Variants in FHIT observed in about 807,000 individuals in gnomAD.
The protein encoded by FHIT is bis(5'-adenosyl)-triphosphatase.
Under a neutral mutation model 17.9 loss-of-function variants are expected in FHIT, and 19 were observed. The ratio of observed to expected loss-of-function variants is 1.06; its 90% confidence interval spans 0.74 to 1.56. The LOEUF is 1.56. Among genes scored for constraint, FHIT ranks in the 40% most tolerant of loss-of-function variants. The pLI is 0.00. For synonymous variants in FHIT, 81 were observed against 69.7 expected, an observed-to-expected ratio of 1.16 and a Z score of -0.81; for missense variants, 248 against 189.2, an observed-to-expected ratio of 1.31 and a Z score of -1.82.
chr3:59,824,130 C>T (rs1173267936), intron 8 of FHIT, among the ~76,000 whole-genome samples: 2 of 152,194 alleles, frequency 1.3e-5, no homozygotes, highest in East Asian at 3.8e-4. Flanking sequence ...CAGAATATAC[C>T]TAACCAAGAG....
At chr3:60,699,958 A>C (rs1233729367) in intron 4 of FHIT, among the ~76,000 whole-genome samples, 2 of 151,898 alleles carry the variant, frequency 1.3e-5, no homozygotes, top group African/African-American at 2.4e-5. Context: ...CAGCCTGGCC[A>C]ACCTGGTGAA....
At chr3:60,082,017 T>C (rs1202712958) in intron 5 of FHIT, among the ~76,000 whole-genome samples, 1 of 152,140 alleles carries the variant, frequency 6.6e-6, no homozygotes, top group African/African-American at 2.4e-5. Flanking sequence ...TGTGGGTTTG[T>C]TCCATAGGTA....
intron 8 of FHIT, among the ~76,000 whole-genome samples, chr3:59,866,925 CT>C (rs1702679646): frequency 6.6e-6 from 1 of 151,858 alleles, no homozygotes; most frequent in Non-Finnish European, 1.5e-5. Context: ...TGCTCGGCTT[CT>C]TTTTGTGCTT....
intron 5 of FHIT, among the ~76,000 whole-genome samples, chr3:60,021,404 C>T (rs77644778): frequency 0.025 from 3,778 of 152,182 alleles, 147 homozygotes; most frequent in African/African-American, 0.083. Context: ...GTCCGCAGCC[C>T]GATAGCATTC....
At chr3:59,834,989 T>A (rs1701290030) in intron 8 of FHIT, among the ~76,000 whole-genome samples, 1 of 152,216 alleles carries the variant, frequency 6.6e-6, no homozygotes, top group Non-Finnish European at 1.5e-5. Context: ...TGTTGTTTTT[T>A]AAACTGAACT....
chr3:60,094,694 C>T (rs890478792), intron 5 of FHIT, among the ~76,000 whole-genome samples: 4 of 152,206 alleles, frequency 2.6e-5, no homozygotes, highest in Admixed American at 6.5e-5. Flanking sequence ...TGATTCCTAA[C>T]TTGCAGGATT....
chr3:60,548,816 T>C (rs966789952), intron 4 of FHIT, among the ~76,000 whole-genome samples: 14 of 152,208 alleles, frequency 9.2e-5, no homozygotes, highest in African/African-American at 3.4e-4. Flanking sequence ...TAAGATCAAC[T>C]TGAGAACTTT....
intron 5 of FHIT, among the ~76,000 whole-genome samples, chr3:60,456,748 A>G (rs1166594774): frequency 2.0e-5 from 3 of 152,172 alleles, no homozygotes; most frequent in Non-Finnish European, 4.4e-5. Context: ...AAATCCATCC[A>G]TGACAGTTTA....
Position 60,497,711 on chromosome 3 carries a change from G to A in FHIT, c.103+39149C>T, listed in dbSNP as rs150859951. On this transcript the variant is annotated intron_variant, in intron 5 of 9. Transcript: ENST00000492590. ...AACCAGCTCAGAGAAAGCTAATTCC[G>A]TCCTTTCCTGGTTATATAGCAGATC... Among the ~76,000 whole-genome samples the A allele has an allele frequency of 1.3e-3, 198 of 152,190 alleles. 1 individual carries two copies. Among genetic ancestry groups the A allele is most frequent in the African/African-American group, 4.0e-3 (165 of 41,536 alleles).
chr3:59,964,365 C>A (rs551882874), intron 7 of FHIT, among the ~76,000 whole-genome samples: 32 of 152,164 alleles, frequency 2.1e-4, no homozygotes, highest in African/African-American at 7.5e-4. Flanking sequence ...GCTGCGTGGG[C>A]CAGTATCAAT....
intron 5 of FHIT, among the ~76,000 whole-genome samples, chr3:60,271,395 C>A (rs1706861515): frequency 1.3e-5 from 2 of 152,074 alleles, no homozygotes; most frequent in South Asian, 2.1e-4. Flanking sequence ...GGGAGTGAAA[C>A]CTGGTCTCCA....
At chr3:60,725,327 T>C (rs1275751112) in intron 4 of FHIT, among the ~76,000 whole-genome samples, 1 of 152,226 alleles carries the variant, frequency 6.6e-6, no homozygotes, top group Non-Finnish European at 1.5e-5. Context: ...CTTGCATTAC[T>C]GTGCTTTTGG....
At chr3:60,355,233 C>T (rs1576525982) in intron 5 of FHIT, among the ~76,000 whole-genome samples, 1 of 152,252 alleles carries the variant, frequency 6.6e-6, no homozygotes, top group East Asian at 1.9e-4. Flanking sequence ...AAATTAAGTT[C>T]CACTTCTCGA....
chr3:59,933,326 A>G (rs1706065151), intron 7 of FHIT, among the ~76,000 whole-genome samples: 1 of 152,226 alleles, frequency 6.6e-6, no homozygotes, highest in Non-Finnish European at 1.5e-5. Flanking sequence ...GTAATAGCAC[A>G]CCATTCATCC....
intron 5 of FHIT, among the ~76,000 whole-genome samples, chr3:60,159,084 T>C (rs12715550): frequency 0.48 from 73,092 of 151,836 alleles, 18,239 homozygotes; most frequent in Middle Eastern, 0.54. Context: ...TTTCTAATCA[T>C]CCCCCACCAT....
Position 60,013,827 on chromosome 3 carries a change from C to T in FHIT, c.249+180G>A, listed in dbSNP as rs535097946. Among the ~76,000 whole-genome samples the T allele has an allele frequency of 1.4e-4, 21 of 152,296 alleles. No individual in the cohort carries two copies. In the East Asian group the frequency reaches 2.1e-3, roughly 15 times the overall value. ...AGACATCACCTTAGACACTATCCCA[C>T]GGTCCATCTTGGGGCCAATGGACAG... is the stretch of plus-strand genomic sequence containing the variant. On this transcript the variant is annotated intron_variant, in intron 6 of 9. Transcript: ENST00000492590.
At chr3:59,975,999 A>G (rs1300803339) in intron 7 of FHIT, among the ~76,000 whole-genome samples, 2 of 152,114 alleles carry the variant, frequency 1.3e-5, no homozygotes, top group African/African-American at 4.8e-5. Flanking sequence ...TAAGTTCTCT[A>G]CTCTGAAGGA....
chr3:59,764,412 G>T (rs932203391), intron 8 of FHIT, among the ~76,000 whole-genome samples: 1 of 152,128 alleles, frequency 6.6e-6, no homozygotes, highest in South Asian at 2.1e-4. Context: ...GATTGGTCAC[G>T]ATTCCTTCTT....
At chr3:60,422,100 GTCCA>G (rs1702495744) in intron 5 of FHIT, among the ~76,000 whole-genome samples, 1 of 152,110 alleles carries the variant, frequency 6.6e-6, no homozygotes, top group South Asian at 2.1e-4. Flanking sequence ...TGTCAATTTT[GTCCA>G]TCAAAATCTC....
Sources: allele counts gnomAD v4.1 joint callset (sites outside exome capture counted in the v4.1 genomes callset), GRCh38; gene constraint gnomAD v4.1.1; transcripts MANE v1.5; gene names NCBI Gene and HGNC (gene_info 2026-07-23, HGNC 2026-07-21).